ASCC3: variants seen among roughly 807,000 people sequenced by gnomAD.
The protein encoded by ASCC3 is activating signal cointegrator 1 complex subunit 3.
A neutral mutation model predicts 256.3 loss-of-function variants in ASCC3; 158 were observed. The observed-to-expected ratio is 0.62, with a 90% CI of 0.54 to 0.70. The LOEUF (loss-of-function observed/expected upper bound fraction) is 0.70, where lower values mean the gene tolerates loss of function less well. Ranked by LOEUF, ASCC3 falls within the 30% of genes least tolerant of loss-of-function variation. The pLI is 0.00. For synonymous variants in ASCC3, 948 were observed against 883.4 expected, an observed-to-expected ratio of 1.07 and a Z score of -1.30; for missense variants, 2,259 against 2,626.0, an observed-to-expected ratio of 0.86 and a Z score of 3.05.
At position 100,848,678 on chromosome 6, in the gene ASCC3, C is replaced by G; in HGVS notation, c.271G>C (p.Glu91Gln). ...VGTDNGREAI[E>Q]SGAAFLFMTF... ...ATGAAGAGAAATGCAGCCCCACTTT[C>G]AATTGCTTCTCTCCCATTATCAGTT... is the stretch of plus-strand genomic sequence containing the variant. The change falls in exon 4 of 42, where the codon GAA becomes CAA. Residue 91 changes from glutamate (E) to glutamine (Q), a missense_variant. Physicochemically the swap from Glu to Gln is conservative, Grantham distance 29 (BLOSUM62 2). This residue lies in a region of ASCC3 where 420 missense variants were observed against 419.3 expected (regional missense o/e 1.00). Coordinates refer to ENST00000369162, the MANE Select transcript of ASCC3 (RefSeq NM_006828.4). 6.2e-7 allele frequency: 1 copy of G among 1,613,326 alleles called. No homozygotes were observed. Among genetic ancestry groups the G allele is most frequent in the Non-Finnish European group, 8.5e-7 (1 of 1,179,994 alleles).
intron 30 of ASCC3, among the ~76,000 whole-genome samples, chr6:100,617,363 G>C (rs1464142364): frequency 6.6e-6 from 1 of 151,758 alleles, no homozygotes; most frequent in Admixed American, 6.6e-5. Context: ...CCTTCCCTCT[G>C]TTCTTTTATC....
chr6:100,764,726 C>G (rs537995443), intron 10 of ASCC3, among the ~76,000 whole-genome samples: 1 of 152,176 alleles, frequency 6.6e-6, no homozygotes, highest in South Asian at 2.1e-4. Context: ...GTCACCCAGT[C>G]CTCCCTACTT....
chr6:100,523,228 C>T (rs1440376683), intron 37 of ASCC3, among the ~76,000 whole-genome samples: 1 of 151,748 alleles, frequency 6.6e-6, no homozygotes, highest in African/African-American at 2.4e-5. Flanking sequence ...TATTCATTTT[C>T]CTCATCTGAT....
intron 1 of ASCC3, among the ~76,000 whole-genome samples, chr6:100,871,721 A>G (rs846775): frequency 0.71 from 107,421 of 152,140 alleles, 38,161 homozygotes; most frequent in East Asian, 0.75. Context: ...AGCCATGATC[A>G]TGCCACTGCA....
rs73500973 is a variant in ASCC3, at chr6:100,599,454, G to T, written c.5303+2356C>A. ...GACAGGGCAACTAAATGCAACTCAG[G>T]GTACTTAACTGGATCTTGGACAGAA... On this transcript the variant is annotated intron_variant, in intron 34 of 41. Transcript: ENST00000369162. Among the ~76,000 whole-genome samples, 793 of 152,100 alleles carry T rather than the reference G, an allele frequency of 5.2e-3. 7 individuals carry two copies. Among genetic ancestry groups the T allele is most frequent in the African/African-American group, 0.018 (758 of 41,512 alleles).
chr6:100,600,384 A>T (rs1396376556), intron 34 of ASCC3, among the ~76,000 whole-genome samples: 3 of 152,148 alleles, frequency 2.0e-5, no homozygotes. Flanking sequence ...AATAAATGTG[A>T]AGTCTATTCC....
chr6:100,639,262 T>C (rs1426243191), intron 24 of ASCC3, among the ~76,000 whole-genome samples: 1 of 152,214 alleles, frequency 6.6e-6, no homozygotes, highest in Non-Finnish European at 1.5e-5. Context: ...TTAACTATTG[T>C]TGTCAATGGA....
intron 4 of ASCC3, among the ~76,000 whole-genome samples, chr6:100,811,388 C>T (rs1379791518): frequency 6.6e-6 from 1 of 151,966 alleles, no homozygotes; most frequent in African/African-American, 2.4e-5. Flanking sequence ...TACAACAATC[C>T]CTCAGTGAAA....
chr6:100,782,410 A>G (rs943304521), intron 8 of ASCC3, among the ~76,000 whole-genome samples: 1 of 152,182 alleles, frequency 6.6e-6, no homozygotes, highest in Non-Finnish European at 1.5e-5. Flanking sequence ...TTGAAATCCA[A>G]TGCCACAAAT....
intron 39 of ASCC3, among the ~76,000 whole-genome samples, chr6:100,514,493 G>A (rs1773923698): frequency 6.6e-6 from 1 of 151,914 alleles, no homozygotes; most frequent in Admixed American, 6.6e-5. Context: ...AACTCATTGG[G>A]ATTTTACTTT....
chr6:100,524,128 G>C (rs975740432), intron 37 of ASCC3, among the ~76,000 whole-genome samples: 1 of 152,006 alleles, frequency 6.6e-6, no homozygotes, highest in Non-Finnish European at 1.5e-5. Flanking sequence ...CTTGATTTTG[G>C]TTTTCCAGTT....
At position 100,603,542 on chromosome 6, in the gene ASCC3, G is replaced by A. The variant is rs1364484060; in HGVS notation, c.5178-1607C>T. ...TATCATTTCCTATCTCAAAGGGAAA[G>A]CTTTCAATATCTTCTTATAAATTAT... On this transcript the variant is annotated intron_variant, in intron 33 of 41. Coordinates refer to ENST00000369162, the MANE Select transcript of ASCC3 (RefSeq NM_006828.4). Among the ~76,000 whole-genome samples, 4 of 152,178 alleles carry A rather than the reference G, an allele frequency of 2.6e-5. No homozygotes were observed. The East Asian group carries it at 7.7e-4, about 29-fold the overall frequency.
intron 4 of ASCC3, among the ~76,000 whole-genome samples, chr6:100,842,855 G>A (rs1772211443): frequency 6.6e-6 from 1 of 151,908 alleles, no homozygotes; most frequent in Non-Finnish European, 1.5e-5. Flanking sequence ...CATCCTTGTA[G>A]TCCTAGCTAC....
intron 37 of ASCC3, chr6:100,530,847 A>G: frequency 8.0e-7 from 1 of 1,251,964 alleles, no homozygotes; most frequent in Non-Finnish European, 1.2e-6. Flanking sequence ...TAGAAGATTT[A>G]AATTCTTAGA....
chr6:100,728,150 T>C (rs919548570), intron 10 of ASCC3, among the ~76,000 whole-genome samples: 7 of 152,004 alleles, frequency 4.6e-5, no homozygotes, highest in African/African-American at 7.3e-5. Context: ...CTATAGTGCT[T>C]AATATGCAGT....
At position 100,725,680 on chromosome 6, in the gene ASCC3, T is replaced by C. The variant is rs773228001; in HGVS notation, c.1761A>G (p.Lys587=). The C allele has an allele frequency of 2.5e-6, 4 of 1,612,498 alleles. No homozygotes were observed. Among genetic ancestry groups the C allele is most frequent in the African/African-American group, 2.7e-5 (2 of 74,940 alleles). The change falls in exon 11 of 42, where the codon AAA becomes AAG. Residue 587 remains lysine (K), a synonymous_variant. Coordinates refer to ENST00000369162, the MANE Select transcript of ASCC3 (RefSeq NM_006828.4). ...CACTCTTTCTTGTCACTACATCCCA[T>C]TTTTCTGGTGTGGTCACAAGCATCT... is the stretch of plus-strand genomic sequence containing the variant. The part of the protein sequence containing the change: ...RTQMLVTTPE[K]WDVVTRKSVG...
chr6:100,756,317 G>C (rs9322174), intron 10 of ASCC3, among the ~76,000 whole-genome samples: 81,488 of 151,800 alleles, frequency 0.54, 22,152 homozygotes, highest in South Asian at 0.67. Flanking sequence ...CTTCCTTAGA[G>C]GTAATGTATG....
chr6:100,581,404 TC>T (rs1771250562), intron 36 of ASCC3, among the ~76,000 whole-genome samples: 1 of 152,206 alleles, frequency 6.6e-6, no homozygotes, highest in Admixed American at 6.5e-5. Context: ...TCTGTTCATG[TC>T]CTTCACCCAC....
At chr6:100,599,990 T>C (rs572347080) in intron 34 of ASCC3, among the ~76,000 whole-genome samples, 10 of 152,162 alleles carry the variant, frequency 6.6e-5, no homozygotes, top group Admixed American at 4.6e-4. Flanking sequence ...AGGGAGGCTA[T>C]TCGTTACTTT....
Sources: allele counts gnomAD v4.1 joint callset (sites outside exome capture counted in the v4.1 genomes callset), GRCh38; gene constraint gnomAD v4.1.1; regional missense constraint gnomAD v4.1.1; transcripts MANE v1.5; gene names NCBI Gene and HGNC (gene_info 2026-07-23, HGNC 2026-07-21).